The following PNLIPRP1 variants were observed in gnomAD, a reference collection of about 807,000 sequenced individuals.
The protein encoded by PNLIPRP1 is pancreatic lipase related protein 1.
PNLIPRP1 carries 57 observed loss-of-function variants against 54.6 expected under a neutral mutation model. The ratio of observed to expected loss-of-function variants is 1.04; its 90% CI spans 0.84 to 1.30. The LOEUF is 1.30. PNLIPRP1 is among the 50% of genes most tolerant of loss of function. The pLI is 0.00. For missense variants in PNLIPRP1, 567 were observed against 568.5 expected (o/e 1.00, Z 0.03); for synonymous variants, 232 against 208.8 (o/e 1.11, Z -0.96).
Position 116,598,107 on chromosome 10 carries a change from T to C in PNLIPRP1, c.755T>C (p.Met252Thr). Residue 252 changes from methionine to threonine, a missense_variant, in exon 8 of 13, where the codon ATG (methionine) becomes ACG (threonine). By Grantham distance (81) the Met-to-Thr change is moderately conservative. Transcript: ENST00000358834. ...LDFFPNGGES[M>T]PGCKKNALSQ... ...TTCTTCCCCAATGGAGGAGAGAGCATGCCGGGATGCAAGAAGAATGCCCTG... is the reference window on the plus strand; with the variant it reads ...TTCTTCCCCAATGGAGGAGAGAGCACGCCGGGATGCAAGAAGAATGCCCTG... The C allele has an allele frequency of 1.2e-6, 2 of 1,614,136 alleles. No individual in the cohort carries two copies. Among genetic ancestry groups the C allele is most frequent in the South Asian group, 2.2e-5 (2 of 91,072 alleles).
intron 9 of PNLIPRP1, 140 bp downstream of exon 9, chr10:116,600,305 G>GA (rs1222639307): frequency 4.5e-5 from 27 of 596,304 alleles, no homozygotes; most frequent in East Asian, 1.4e-4. Context: ...GAGTGGAAGA[G>GA]AAAAAAAAGT....
rs144692409 is a variant in PNLIPRP1 at position 116,597,739 on chromosome 10, C to T, written c.575-89C>T. ...GGTGCATGGTACCCATTGAGTTGGG[C>T]AGTGCATAGCCCGGGCAGCTGTACA... On this transcript the variant is annotated intron_variant, in intron 6 of 12. Transcript: ENST00000358834. 686 of 1,462,096 alleles carry T rather than the reference C, an allele frequency of 4.7e-4. 8 individuals carry two copies. In the African/African-American group the frequency reaches 8.6e-3, roughly 18 times the overall value. The allele number at this position is 1,462,096 out of a possible 1,614,324, so 90.6% of individuals were successfully genotyped here. A position where few individuals can be genotyped will look rare whatever the true frequency, so the allele number is the denominator to read the frequency against.
chr10:116,591,261 G>A, intron 2 of PNLIPRP1, 83 bp downstream of exon 2: 1 of 1,083,788 alleles, frequency 9.2e-7, no homozygotes, highest in Non-Finnish European at 1.4e-6. Flanking sequence ...AACTGTGGCA[G>A]GGCTCCCAGC....
At chr10:116,602,520 A>C (rs909668050) in intron 10 of PNLIPRP1, among the ~76,000 whole-genome samples, 2 of 152,256 alleles carry the variant, frequency 1.3e-5, no homozygotes, top group African/African-American at 4.8e-5. Context: ...GACTCCTCTC[A>C]TGAAATTAAT....
Position 116,591,838 on chromosome 10 carries a change from C to T in PNLIPRP1, c.117C>T (p.Ile39=), listed in dbSNP as rs782213231. Residue 39 remains isoleucine (I), a synonymous_variant, in exon 3 of 13, where the codon ATC becomes ATT. Transcript: ENST00000358834. ...CTGAGCCCTGGGGCGGGACAGCAAT[C>T]AGGCCCCTGAAAATTCTCCCCTGGA... ...SDTEPWGGTA[I]RPLKILPWSP... The T allele has an allele frequency of 5.6e-6, 9 of 1,614,124 alleles. No homozygotes were observed. In the African/African-American group the frequency reaches 1.2e-4, roughly 22 times the overall value.
At chr10:116,602,016 ATTTT>A (rs58771473) in intron 10 of PNLIPRP1, among the ~76,000 whole-genome samples, 3 of 138,096 alleles carry the variant, frequency 2.2e-5, no homozygotes, top group Non-Finnish European at 4.7e-5. Context: ...TCACTCTGTA[ATTTT>A]TTTTTTTTTT....
intron 6 of PNLIPRP1, 40 bp downstream of exon 6, chr10:116,596,362 A>G: frequency 8.0e-7 from 1 of 1,256,812 alleles, no homozygotes; most frequent in South Asian, 1.2e-5. Flanking sequence ...TGTCCCCAGA[A>G]ACCCCAGAAT....
intron 9 of PNLIPRP1, among the ~76,000 whole-genome samples, chr10:116,600,817 A>T (rs2133236481): frequency 6.6e-6 from 1 of 152,280 alleles, no homozygotes; most frequent in African/African-American, 2.4e-5. Flanking sequence ...CACTCAACAG[A>T]AGGTATAATT....
At chr10:116,606,449 C>T (rs1344984850) in intron 12 of PNLIPRP1, among the ~76,000 whole-genome samples, 3 of 152,066 alleles carry the variant, frequency 2.0e-5, no homozygotes, top group Admixed American at 6.5e-5. Context: ...GAGGCTGGGC[C>T]GGGCTGGTCG....
Position 116,595,031 on chromosome 10 carries a change from C to T in PNLIPRP1, c.465+167C>T, listed in dbSNP as rs1442590072. ...CTTCATAATGACACGCCAGTGGAAGCAAAAATAAGAATCGCTAACACTTAG... is the reference window on the plus strand; with the variant it reads ...CTTCATAATGACACGCCAGTGGAAGTAAAAATAAGAATCGCTAACACTTAG... On this transcript the variant is annotated intron_variant, in intron 5 of 12. Transcript: ENST00000358834. 2.8e-5 allele frequency: 21 copies of T among 747,836 alleles called. 1 individual carries two copies. The East Asian group carries it at 4.4e-4, about 16-fold the overall frequency. The allele number at this position is 747,836 out of a possible 1,614,324, so 46.3% of individuals were successfully genotyped here. A position where few individuals can be genotyped will look rare whatever the true frequency, so the allele number is the denominator to read the frequency against.
At chr10:116,595,135 A>G in intron 5 of PNLIPRP1, 1 of 421,658 alleles carries the variant, frequency 2.4e-6, no homozygotes, top group Non-Finnish European at 4.3e-6. Flanking sequence ...TTTGCTCCCA[A>G]AGTCATAAAG....
chr10:116,592,281 G>C (rs1740566592), intron 3 of PNLIPRP1, 135 bp from the exon 4 acceptor site: 2 of 934,566 alleles, frequency 2.1e-6, no homozygotes, highest in African/African-American at 1.6e-5. Context: ...GGGAGATCAG[G>C]GTGGGCTTCA....
chr10:116,596,239 A>C lies in PNLIPRP1; in HGVS notation c.491A>C (p.Lys164Thr). 6.2e-7 allele frequency: 1 copy of C among 1,613,402 alleles called. No individual in the cohort carries two copies. The highest frequency in any genetic ancestry group is 1.3e-5 in the African/African-American group (1 of 75,012). ...ACAGAGTATAGCTACCCCCCTTCCA[A>C]AGTTCACCTCATTGGCCACAGCCTG... ...LLTEYSYPPS[K>T]VHLIGHSLGA... The change falls in exon 6 of 13, where the codon AAA (lysine) becomes ACA (threonine). Residue 164 changes from lysine to threonine, a missense_variant. Lys to Thr is a moderately conservative substitution (Grantham distance 78). Coordinates refer to ENST00000358834, the MANE Select transcript of PNLIPRP1 (RefSeq NM_006229.4).
chr10:116,596,381 A>T, intron 6 of PNLIPRP1, 59 bp downstream of exon 6: 1 of 1,023,134 alleles, frequency 9.8e-7, no homozygotes, highest in South Asian at 1.4e-5. Context: ...ATGAGGTCTC[A>T]AGAATGCAGC....
intron 8 of PNLIPRP1, 46 bp downstream of exon 8, chr10:116,598,212 G>C: frequency 6.5e-7 from 1 of 1,547,316 alleles, no homozygotes; most frequent in Non-Finnish European, 8.7e-7. Context: ...TACTTTCCTG[G>C]AGTGACCAAT....
intron 6 of PNLIPRP1, among the ~76,000 whole-genome samples, chr10:116,597,414 C>T (rs2133232448): frequency 6.6e-6 from 1 of 152,242 alleles, no homozygotes; most frequent in African/African-American, 2.4e-5. Context: ...CCAAAAGCAG[C>T]TGAGTAGGAA....
intron 8 of PNLIPRP1, among the ~76,000 whole-genome samples, chr10:116,599,279 A>AAT (rs1288970154): frequency 1.3e-5 from 2 of 151,392 alleles, no homozygotes; most frequent in Non-Finnish European, 2.9e-5. Context: ...AATAAAATAA[A>AAT]ATAAAATAAA....
intron 5 of PNLIPRP1, chr10:116,595,165 C>T (rs782252718): frequency 8.9e-6 from 3 of 335,236 alleles, no homozygotes; most frequent in Non-Finnish European, 1.7e-5. Context: ...AGAAGACCTG[C>T]CTTTTGATCC....
chr10:116,593,420 C>T (rs1564735410), intron 4 of PNLIPRP1, among the ~76,000 whole-genome samples: 1 of 152,134 alleles, frequency 6.6e-6, no homozygotes, highest in Non-Finnish European at 1.5e-5. Flanking sequence ...ATTTTTCTGT[C>T]ACCTAAGAAT....
Sources: allele counts gnomAD v4.1 joint callset (sites outside exome capture counted in the v4.1 genomes callset), GRCh38; gene constraint gnomAD v4.1.1; transcripts MANE v1.5; gene names NCBI Gene and HGNC (gene_info 2026-07-23, HGNC 2026-07-21).